Variants in TMEM225B observed in about 807,000 individuals in gnomAD.
TMEM225B encodes transmembrane protein 225B.
TMEM225B carries 10 observed loss-of-function variants against 16.9 expected under a neutral mutation model. The ratio of observed to expected loss-of-function variants is 0.59; its 90% confidence interval spans 0.36 to 1.00. The LOEUF (loss-of-function observed/expected upper bound fraction) is 1.00. TMEM225B is among the 50% of genes least tolerant of loss of function. The probability of loss-of-function intolerance (pLI) is 0.01; values close to 1 mark genes in which losing one functional copy is unlikely to be tolerated. For missense variants in TMEM225B, 217 were observed against 267.0 expected, an observed-to-expected ratio of 0.81 and a Z score of 1.30; for synonymous variants, 92 against 109.8, an observed-to-expected ratio of 0.84 and a Z score of 1.01.
intron 2 of TMEM225B, among the ~76,000 whole-genome samples, chr7:99,603,458 G>A (rs1017434109): frequency 6.6e-6 from 1 of 152,190 alleles, no homozygotes; most frequent in Non-Finnish European, 1.5e-5. Context: ...TTGGGAGGCT[G>A]AGGCGGGTGG....
At chr7:99,603,734 T>G (rs1318537147) in intron 2 of TMEM225B, among the ~76,000 whole-genome samples, 1 of 151,088 alleles carries the variant, frequency 6.6e-6, no homozygotes, top group Non-Finnish European at 1.5e-5. Flanking sequence ...AACTTTAGTT[T>G]TTTTCTTTTT....
At chr7:99,607,347 CA>C (rs771980894) in intron 4 of TMEM225B, among the ~76,000 whole-genome samples, 30 of 152,164 alleles carry the variant, frequency 2.0e-4, no homozygotes, top group Middle Eastern at 3.4e-3. Flanking sequence ...GGCTCCTAGG[CA>C]AATGGTGGAG....
chr7:99,601,211 C>T (rs1805331565), intron 2 of TMEM225B, among the ~76,000 whole-genome samples: 1 of 152,104 alleles, frequency 6.6e-6, no homozygotes, highest in African/African-American at 2.4e-5. Context: ...CAGACTTCAT[C>T]ATTTTAGATA....
rs182148364 is a variant in TMEM225B at position 99,606,765 on chromosome 7, C to G, written c.226C>G (p.Arg76Gly). Residue 76 changes from arginine to glycine, a missense_variant, in exon 4 of 6, where the codon CGG (arginine) becomes GGG (glycine). By Grantham distance (125) the Arg-to-Gly change is moderately radical (BLOSUM62 -2). Coordinates refer to ENST00000431679, the MANE Select transcript of TMEM225B (RefSeq NM_001195541.3). The part of the protein sequence containing the change: ...RPLSIYIILG[R>G]VFLLSAVFLA... The stretch of plus-strand genomic sequence containing the variant: ...CCCTGCAGTTTACATCATCCTCGGC[C>G]GGGTTTTCCTGCTCTCTGCAGTTTT... 895 of 1,536,032 alleles carry G rather than the reference C, an allele frequency of 5.8e-4. 3 individuals carry two copies. In the African/African-American group the frequency reaches 0.011, roughly 18 times the overall value.
chr7:99,600,229 T>C lies in TMEM225B; in HGVS notation c.-60T>C. 1 of 703,022 alleles carries C rather than the reference T, an allele frequency of 1.4e-6. No individual in the cohort carries two copies. The highest frequency in any genetic ancestry group is 2.6e-6 in the Non-Finnish European group (1 of 384,990). 43.5% of individuals were successfully genotyped at this position (703,022 alleles called of 1,614,324 possible). On this transcript the variant is annotated 5_prime_UTR_variant, in exon 2 of 6. Transcript: ENST00000431679. ...GCAGTTCCAAGAGCCTCTGAGTTCCTGCCTTTTTTCATCTCTGAATCCCCA... is the reference window on the plus strand; with the variant it reads ...GCAGTTCCAAGAGCCTCTGAGTTCCCGCCTTTTTTCATCTCTGAATCCCCA...
chr7:99,604,419 G>A lies in TMEM225B; in HGVS notation c.31G>A (p.Gly11Arg). 1 of 1,535,966 alleles carries A rather than the reference G, an allele frequency of 6.5e-7. No individual in the cohort carries two copies. The highest frequency in any genetic ancestry group is 2.4e-5 in the East Asian group (1 of 40,900). Residue 11 changes from glycine to arginine, a missense_variant, in exon 3 of 6, where the codon GGA becomes AGA. Transcript: ENST00000431679. Reference protein sequence around the residue: MLTLEDKDMKGFSWAIVPALT... With the variant: MLTLEDKDMKRFSWAIVPALT... ...GACGTTAGAGGACAAGGACATGAAG[G>A]GATTCTCCTGGGCCATAGTCCCAGC...
At chr7:99,610,338 G>T in intron 5 of TMEM225B, 55 bp from the exon 6 acceptor site, 1 of 1,421,192 alleles carries the variant, frequency 7.0e-7, no homozygotes, top group South Asian at 1.3e-5. Flanking sequence ...CTGACCTCTA[G>T]GGCGTGGAGC....
Position 99,600,262 on chromosome 7 carries a change from C to T in TMEM225B, c.-27C>T. The T allele has an allele frequency of 1.4e-6, 1 of 702,938 alleles. No individual in the cohort carries two copies. The highest frequency in any genetic ancestry group is 2.6e-6 in the Non-Finnish European group (1 of 384,966). The allele number at this position is 702,938 out of a possible 1,614,324, so 43.5% of individuals were successfully genotyped here. A position where few individuals can be genotyped will look rare whatever the true frequency, so the allele number is the denominator to read the frequency against. On this transcript the variant is annotated 5_prime_UTR_variant, in exon 2 of 6. Coordinates refer to ENST00000431679, the MANE Select transcript of TMEM225B (RefSeq NM_001195541.3). ...TTCATCTCTGAATCCCCACCATTGG[C>T]CTACATTGGGAGTGGGGCGACCTGT...
At chr7:99,598,589 C>G (rs1386129134) in intron 1 of TMEM225B, among the ~76,000 whole-genome samples, 1 of 152,180 alleles carries the variant, frequency 6.6e-6, no homozygotes, top group African/African-American at 2.4e-5. Context: ...TTTGGGGCCA[C>G]AGAAGGGCGG....
At chr7:99,608,838 C>CATATATATAT (rs1562956515) in intron 5 of TMEM225B, among the ~76,000 whole-genome samples, 3 of 110,018 alleles carry the variant, frequency 2.7e-5, no homozygotes, top group African/African-American at 2.0e-4. Flanking sequence ...TGTGTGTGCA[C>CATATATATAT]GTATATATAT....
At chr7:99,601,362 G>A (rs928285225) in intron 2 of TMEM225B, among the ~76,000 whole-genome samples, 1 of 152,188 alleles carries the variant, frequency 6.6e-6, no homozygotes, top group Non-Finnish European at 1.5e-5. Context: ...GGAGGCCAAG[G>A]CAGGAAGATC....
chr7:99,603,576 C>T (rs1214819625), intron 2 of TMEM225B, among the ~76,000 whole-genome samples: 1 of 152,032 alleles, frequency 6.6e-6, no homozygotes, highest in Admixed American at 6.6e-5. Context: ...CCTGTAATCT[C>T]AGCTACTCAG....
At chr7:99,605,069 AG>A in intron 3 of TMEM225B, among the ~76,000 whole-genome samples, 1 of 152,152 alleles carries the variant, frequency 6.6e-6, no homozygotes, top group Middle Eastern at 3.4e-3. Context: ...GGTTAACCCA[AG>A]GGTAGACTCT....
intron 3 of TMEM225B, 52 bp from the exon 4 acceptor site, chr7:99,606,696 C>T: frequency 6.6e-7 from 1 of 1,522,620 alleles, no homozygotes. Context: ...GGGACTCTGA[C>T]CTTTCCGGGT....
At chr7:99,603,838 T>A (rs536663690) in intron 2 of TMEM225B, among the ~76,000 whole-genome samples, 2 of 151,968 alleles carry the variant, frequency 1.3e-5, no homozygotes, top group African/African-American at 4.8e-5. Flanking sequence ...CATGGTTCAC[T>A]GCAGCCTTGA....
chr7:99,602,276 G>C (rs1416692533), intron 2 of TMEM225B, among the ~76,000 whole-genome samples: 5 of 152,322 alleles, frequency 3.3e-5, no homozygotes, highest in Non-Finnish European at 7.3e-5. Context: ...ATTCCTCAGA[G>C]CTGCCAGGCT....
chr7:99,598,634 T>C (rs1195909440), intron 1 of TMEM225B, among the ~76,000 whole-genome samples: 4 of 152,070 alleles, frequency 2.6e-5, no homozygotes, highest in Non-Finnish European at 4.4e-5. Flanking sequence ...CCGAGGACGG[T>C]TGTCAACGGG....
Position 99,607,785 on chromosome 7 carries a change from C to T in TMEM225B, c.468C>T (p.Phe156=), listed in dbSNP as rs1805951024. The T allele has an allele frequency of 3.3e-6, 5 of 1,536,074 alleles. No individual in the cohort carries two copies. The highest frequency in any genetic ancestry group is 1.2e-5 in the South Asian group (1 of 84,054). The change falls in exon 5 of 6, where the codon TTC becomes TTT. Residue 156 remains phenylalanine, a synonymous_variant. Coordinates refer to ENST00000431679, the MANE Select transcript of TMEM225B (RefSeq NM_001195541.3). ...SVLWPYYVLG[F]GIFLFIVAGT... is the part of the protein sequence containing the mutation. The stretch of plus-strand genomic sequence containing the variant: ...TGTGGCCTTACTACGTGCTGGGCTT[C>T]GGCATCTTTCTGTTCATAGTGGCTG...
rs1375803934 is a variant in TMEM225B at position 99,610,542 on chromosome 7, G to A, written c.643G>A (p.Val215Met). 2 of 1,535,928 alleles carry A rather than the reference G, an allele frequency of 1.3e-6. No homozygotes were observed. Among genetic ancestry groups the A allele is most frequent in the Non-Finnish European group, 1.7e-6 (2 of 1,146,916 alleles). Reference protein sequence around the residue: ...EPSSVQKETQVTAETVI With the variant: ...EPSSVQKETQMTAETVI ...GAGCTCAGTACAAAAGGAGACACAG[G>A]TGACAGCAGAAACAGTCATCTAGCC... The change falls in exon 6 of 6, where the codon GTG (valine) becomes ATG (methionine). Residue 215 changes from valine to methionine, a missense_variant. Physicochemically the swap from Val to Met is conservative, Grantham distance 21. Transcript: ENST00000431679.
Sources: allele counts gnomAD v4.1 joint callset (sites outside exome capture counted in the v4.1 genomes callset), GRCh38; gene constraint gnomAD v4.1.1; transcripts MANE v1.5; gene names NCBI Gene and HGNC (gene_info 2026-07-23, HGNC 2026-07-21).